Variants in GRIK1 observed in about 807,000 individuals in gnomAD.
GRIK1 encodes the protein glutamate ionotropic receptor kainate type subunit 1.
Under a neutral mutation model 105.7 loss-of-function variants are expected in GRIK1, and 69 were observed. The ratio of observed to expected loss-of-function variants is 0.65; its 90% CI spans 0.54 to 0.80. The LOEUF is 0.80. Among genes scored for constraint, GRIK1 ranks in the 30% least tolerant of loss-of-function variants. GRIK1 has a pLI of 0.00. For missense variants in GRIK1, 1,109 were observed against 1,167.3 expected (o/e 0.95, Z 0.73); for synonymous variants, 438 against 431.3 (o/e 1.02, Z -0.19).
intron 14 of GRIK1, among the ~76,000 whole-genome samples, chr21:29,575,084 G>A (rs568654829): frequency 6.6e-6 from 1 of 152,074 alleles, no homozygotes; most frequent in East Asian, 1.9e-4. Context: ...CCATTACTTT[G>A]CTTCTTGATA....
intron 1 of GRIK1, among the ~76,000 whole-genome samples, chr21:29,804,709 T>G (rs572633252): frequency 6.6e-6 from 1 of 152,304 alleles, no homozygotes; most frequent in Non-Finnish European, 1.5e-5. Flanking sequence ...TATGAACGGC[T>G]AATGTTTGGG....
chr21:29,914,733 T>C (rs560511156), intron 1 of GRIK1, among the ~76,000 whole-genome samples: 20 of 152,190 alleles, frequency 1.3e-4, no homozygotes, highest in Non-Finnish European at 2.5e-4. Flanking sequence ...TTCCCTGCCA[T>C]GTTGAGATAG....
intron 7 of GRIK1, among the ~76,000 whole-genome samples, chr21:29,616,723 G>A (rs2061859338): frequency 6.6e-6 from 1 of 152,172 alleles, no homozygotes; most frequent in East Asian, 1.9e-4. Context: ...GACTTAATTA[G>A]ACTATGGTTA....
chr21:29,784,166 T>C (rs1223046507), intron 1 of GRIK1, among the ~76,000 whole-genome samples: 2 of 152,224 alleles, frequency 1.3e-5, no homozygotes, highest in Non-Finnish European at 2.9e-5. Context: ...TATGTCAATA[T>C]AAAAGAAGCT....
At chr21:29,749,464 C>T (rs2065125589) in intron 1 of GRIK1, among the ~76,000 whole-genome samples, 1 of 152,180 alleles carries the variant, frequency 6.6e-6, no homozygotes, top group Admixed American at 6.5e-5. Context: ...CTTGAGCTCT[C>T]TGTTACTTCT....
At chr21:29,592,823 A>T (rs28553322) in intron 9 of GRIK1, among the ~76,000 whole-genome samples, 1 of 152,052 alleles carries the variant, frequency 6.6e-6, no homozygotes, top group Non-Finnish European at 1.5e-5. Context: ...TCATTTTTTT[A>T]AAAATTCAGA....
intron 1 of GRIK1, among the ~76,000 whole-genome samples, chr21:29,922,500 A>C (rs570370039): frequency 1.3e-5 from 2 of 152,252 alleles, no homozygotes; most frequent in Admixed American, 1.3e-4. Context: ...TACAGAAATG[A>C]TTTATTATTT....
At chr21:29,619,833 T>C (rs1222702313) in intron 7 of GRIK1, among the ~76,000 whole-genome samples, 2 of 152,190 alleles carry the variant, frequency 1.3e-5, no homozygotes, top group Admixed American at 1.3e-4. Context: ...CAAATCTACC[T>C]GCACCTTTAC....
At chr21:29,747,058 G>A (rs993567485) in intron 1 of GRIK1, among the ~76,000 whole-genome samples, 1 of 152,096 alleles carries the variant, frequency 6.6e-6, no homozygotes, top group African/African-American at 2.4e-5. Flanking sequence ...AAGAACTTAG[G>A]AATAATGAAA....
intron 1 of GRIK1, among the ~76,000 whole-genome samples, chr21:29,747,886 C>A (rs1004657744): frequency 6.6e-6 from 1 of 152,176 alleles, no homozygotes; most frequent in Non-Finnish European, 1.5e-5. Flanking sequence ...CAGTAGCCCA[C>A]TGAAGAAATA....
intron 1 of GRIK1, among the ~76,000 whole-genome samples, chr21:29,871,088 C>T (rs1311157350): frequency 2.0e-5 from 3 of 152,142 alleles, no homozygotes; most frequent in Non-Finnish European, 4.4e-5. Flanking sequence ...TGCTTTGCTG[C>T]AATCCCTCTT....
At chr21:29,562,792 C>A (rs1035113643) in intron 14 of GRIK1, among the ~76,000 whole-genome samples, 2 of 151,882 alleles carry the variant, frequency 1.3e-5, no homozygotes, top group Non-Finnish European at 2.9e-5. Flanking sequence ...TTTGTCTTTT[C>A]TCATATTCTT....
chr21:29,608,517 C>T (rs569647491), intron 7 of GRIK1, among the ~76,000 whole-genome samples: 1 of 152,072 alleles, frequency 6.6e-6, no homozygotes, highest in African/African-American at 2.4e-5. Context: ...ATCTTTTTTT[C>T]TGCCAAATAC....
At chr21:29,761,048 C>G (rs1269251183) in intron 1 of GRIK1, among the ~76,000 whole-genome samples, 1 of 152,178 alleles carries the variant, frequency 6.6e-6, no homozygotes, top group Non-Finnish European at 1.5e-5. Flanking sequence ...GGGCAATACC[C>G]TGTCCTCGGT....
At chr21:29,560,578 C>T (rs189395975) in intron 15 of GRIK1, among the ~76,000 whole-genome samples, 3,821 of 46,666 alleles carry the variant, frequency 0.082, 93 homozygotes, top group Non-Finnish European at 0.12. Context: ...CTTTCTTTCT[C>T]TCTTTCTTTC....
intron 1 of GRIK1, among the ~76,000 whole-genome samples, chr21:29,936,998 G>A (rs907219526): frequency 1.3e-5 from 2 of 152,092 alleles, no homozygotes; most frequent in South Asian, 2.1e-4. Context: ...TTAGTTGATC[G>A]GTCGGTTGCT....
intron 15 of GRIK1, among the ~76,000 whole-genome samples, chr21:29,560,507 C>CTTTCTTT (rs1568815221): frequency 0.067 from 2,007 of 29,992 alleles, 455 homozygotes; most frequent in East Asian, 0.097. Flanking sequence ...TTCCTTCCTT[C>CTTTCTTT]CTTCCTTCCT....
intron 1 of GRIK1, among the ~76,000 whole-genome samples, chr21:29,729,347 A>T (rs1020523938): frequency 6.6e-6 from 1 of 152,158 alleles, no homozygotes; most frequent in Non-Finnish European, 1.5e-5. Context: ...GAATCTTGGC[A>T]GCAGTGGCAC....
chr21:29,877,876 C>G (rs1413315695), intron 1 of GRIK1, among the ~76,000 whole-genome samples: 3 of 152,032 alleles, frequency 2.0e-5, no homozygotes, highest in Non-Finnish European at 4.4e-5. Flanking sequence ...CCATGCTCCC[C>G]AATCGAGTAA....
Sources: allele counts gnomAD v4.1 joint callset (sites outside exome capture counted in the v4.1 genomes callset), GRCh38; gene constraint gnomAD v4.1.1; transcripts MANE v1.5; gene names NCBI Gene and HGNC (gene_info 2026-07-23, HGNC 2026-07-21).